AGRN: variants seen among roughly 807,000 people sequenced by gnomAD.
AGRN encodes agrin.
A neutral mutation model predicts 211.0 loss-of-function variants in AGRN; 106 were observed. The ratio of observed to expected loss-of-function variants is 0.50; its 90% confidence interval spans 0.43 to 0.59. AGRN has a LOEUF of 0.59. AGRN is among the 20% of genes least tolerant of loss of function. The pLI is 0.00. For missense variants in AGRN, 3,040 were observed against 2,982.6 expected (o/e 1.02, Z -0.45); for synonymous variants, 1,525 against 1,332.5 (o/e 1.14, Z -3.15).
rs1470474265 is a variant in AGRN at position 1,049,618 on chromosome 1, C to T, written c.4567C>T (p.Leu1523=). 4 of 1,591,526 alleles carry T rather than the reference C, an allele frequency of 2.5e-6. No homozygotes were observed. Among genetic ancestry groups the T allele is most frequent in the Non-Finnish European group, 3.4e-6 (4 of 1,170,092 alleles). ...GAGLRGCIRL[L]DVNNQRLELG... is the part of the protein sequence containing the mutation. Reference sequence around the variant, plus strand: ...CGGCCTGAGGGGGTGCATCCGTTTGCTGGACGTCAACAACCAGCGCCTGGA... The same window carrying T: ...CGGCCTGAGGGGGTGCATCCGTTTGTTGGACGTCAACAACCAGCGCCTGGA... The change falls in exon 26 of 36, where the codon CTG becomes TTG. Residue 1523 remains leucine (L), a synonymous_variant. Transcript: ENST00000379370.
Position 1,041,264 on chromosome 1 carries a change from C to G in AGRN, c.819C>G (p.Pro273=). 1.3e-6 allele frequency: 2 copies of G among 1,504,694 alleles called. No homozygotes were observed. The highest frequency in any genetic ancestry group is 1.8e-6 in the Non-Finnish European group (2 of 1,132,532). 93.2% of individuals were successfully genotyped at this position (1,504,694 alleles called of 1,614,324 possible). Residue 273 remains proline, a synonymous_variant, in exon 5 of 36, where the codon CCC becomes CCG. Transcript: ENST00000379370. ...ADGLTASCLC[P]ATCRGAPEGT... ...GGCTGACGGCCTCGTGCCTGTGCCC[C>G]GCGACCTGCCGTGGCGCCCCCGAGG...
chr1:1,042,416 C>T (rs1457315030), intron 7 of AGRN, among the ~76,000 whole-genome samples: 1 of 152,134 alleles, frequency 6.6e-6, no homozygotes, highest in East Asian at 1.9e-4. Context: ...CCCTGGGAGT[C>T]CTCTGGCCTG....
At position 1,049,738 on chromosome 1, in the gene AGRN, C is replaced by A. The variant is rs1645219590; in HGVS notation, c.4687C>A (p.Pro1563Thr). Residue 1563 changes from proline (P) to threonine (T), a missense_variant, in exon 26 of 36, where the codon CCA becomes ACA. By Grantham distance (38) the Pro-to-Thr change is conservative. Coordinates refer to ENST00000379370, the MANE Select transcript of AGRN (RefSeq NM_198576.4). ...CLPNPCHGGA[P>T]CQNLEAGRFH... is the part of the protein sequence containing the mutation. Reference sequence around the variant, plus strand: ...GCCCAACCCCTGCCATGGCGGGGCCCCATGCCAGAACCTGGAGGCTGGAAG... The same window carrying A: ...GCCCAACCCCTGCCATGGCGGGGCCACATGCCAGAACCTGGAGGCTGGAAG... 3 of 1,580,844 alleles carry A rather than the reference C, an allele frequency of 1.9e-6. No individual in the cohort carries two copies. The highest frequency in any genetic ancestry group is 4.6e-5 in the East Asian group (2 of 43,120).
intron 3 of AGRN, among the ~76,000 whole-genome samples, chr1:1,039,130 A>G (rs1343567620): frequency 1.3e-5 from 2 of 152,174 alleles, no homozygotes; most frequent in South Asian, 2.1e-4. Flanking sequence ...ACCTGCCCAC[A>G]TTCTCACAGT....
chr1:1,035,579 G>C (rs1644785182), intron 3 of AGRN, among the ~76,000 whole-genome samples: 1 of 152,256 alleles, frequency 6.6e-6, no homozygotes, highest in Non-Finnish European at 1.5e-5. Flanking sequence ...CCTCAAAACT[G>C]GGAACAAGTC....
intron 2 of AGRN, among the ~76,000 whole-genome samples, chr1:1,030,113 G>A (rs1191959723): frequency 8.7e-6 from 1 of 115,422 alleles, no homozygotes; most frequent in African/African-American, 3.5e-5. Context: ...GTGTGTGTGT[G>A]TGTGCAGTGC....
At chr1:1,040,084 C>G (rs1570187573) in intron 3 of AGRN, among the ~76,000 whole-genome samples, 1 of 152,194 alleles carries the variant, frequency 6.6e-6, no homozygotes. Flanking sequence ...CACACCCCGT[C>G]CCGGTGGGGC....
rs1405878190 is a variant in AGRN at position 1,049,596 on chromosome 1, C to A, written c.4545C>A (p.Gly1515=). The A allele has an allele frequency of 1.3e-6, 2 of 1,590,926 alleles. No individual in the cohort carries two copies. The highest frequency in any genetic ancestry group is 1.7e-6 in the Non-Finnish European group (2 of 1,169,922). Residue 1515 remains glycine (G), a synonymous_variant, in exon 26 of 36, where the codon GGC becomes GGA. Transcript: ENST00000379370. Reference sequence around the variant, plus strand: ...TGGAGCGGACCTTCGTGGGCGCCGGCCTGAGGGGGTGCATCCGTTTGCTGG... The same window carrying A: ...TGGAGCGGACCTTCGTGGGCGCCGGACTGAGGGGGTGCATCCGTTTGCTGG... The part of the protein sequence containing the change: ...VALERTFVGA[G]LRGCIRLLDV...
At chr1:1,052,417 G>C (rs1473423182) in intron 33 of AGRN, 2 of 310,610 alleles carry the variant, frequency 6.4e-6, no homozygotes, top group African/African-American at 4.4e-5. Flanking sequence ...GTATATGTGG[G>C]GGGGACATGT....
At position 1,044,134 on chromosome 1, in the gene AGRN, C is replaced by T; in HGVS notation, c.2025C>T (p.Gly675=). 1 of 1,613,270 alleles carries T rather than the reference C, an allele frequency of 6.2e-7. No individual in the cohort carries two copies. Among genetic ancestry groups the T allele is most frequent in the South Asian group, 1.1e-5 (1 of 91,084 alleles). The change falls in exon 11 of 36, where the codon GGC becomes GGT. Residue 675 remains glycine, a synonymous_variant. Transcript: ENST00000379370. ...CCGAGTGCGGTTCCGGAGGCTCTGG[C>T]TCTGGGGAGGACGGTGACTGTGAGC... is the stretch of plus-strand genomic sequence containing the variant. ...EQAECGSGGS[G]SGEDGDCEQE...
At chr1:1,044,294 G>A (rs958060048) in intron 11 of AGRN, 37 bp downstream of exon 11, 2 of 1,612,198 alleles carry the variant, frequency 1.2e-6, no homozygotes, top group African/African-American at 2.7e-5. Context: ...CGGGCGGCGG[G>A]GACGGGGCTG....
rs1372675221 is a variant in AGRN, at chr1:1,048,269, C to G, written c.4009C>G (p.Pro1337Ala). The G allele has an allele frequency of 2.6e-6, 4 of 1,531,494 alleles. No homozygotes were observed. Among genetic ancestry groups the G allele is most frequent in the Non-Finnish European group, 2.6e-6 (3 of 1,135,366 alleles). 94.9% of individuals were successfully genotyped at this position (1,531,494 alleles called of 1,614,324 possible). A position where few individuals can be genotyped will look rare whatever the true frequency, so the allele number is the denominator to read the frequency against. The change falls in exon 23 of 36, where the codon CCC (proline) becomes GCC (alanine). Residue 1337 changes from proline (P) to alanine (A), a missense_variant. This residue lies in a region of AGRN where 1,537 missense variants were observed against 1,505.0 expected (regional missense o/e 1.02). Coordinates refer to ENST00000379370, the MANE Select transcript of AGRN (RefSeq NM_198576.4). This position sits in a 1 kb window ranked among gnomAD's most constrained non-coding sequence, Gnocchi z 5.9. ...QQPPKPCDSQ[P>A]CFHGGTCQDW... ...GCCTCCAAAGCCCTGTGACTCACAG[C>G]CCTGCTTCCACGGGGGGACCTGCCA...
rs769507883 is a variant in AGRN at position 1,041,994 on chromosome 1, C to T, written c.1216C>T (p.Leu406=). Residue 406 remains leucine (L), a synonymous_variant, in exon 7 of 36, where the codon CTG becomes TTG. Transcript: ENST00000379370. ...PEPCRFNAVC[L]SRRGRPRCSC... is the part of the protein sequence containing the mutation. The stretch of plus-strand genomic sequence containing the variant: ...GCCCTGCCGGTTCAATGCCGTGTGC[C>T]TGTCCCGCCGTGGCCGTCCCCGCTG... 36 of 1,611,554 alleles carry T rather than the reference C, an allele frequency of 2.2e-5. No individual in the cohort carries two copies. The highest frequency in any genetic ancestry group is 3.1e-5 in the Non-Finnish European group (36 of 1,179,668).
rs1340134708 is a variant in AGRN at position 1,045,838 on chromosome 1, C to A, written c.2642C>A (p.Pro881Gln). 1 of 1,612,078 alleles carries A rather than the reference C, an allele frequency of 6.2e-7. No homozygotes were observed. Among genetic ancestry groups the A allele is most frequent in the Non-Finnish European group, 8.5e-7 (1 of 1,179,898 alleles). Residue 881 changes from proline (P) to glutamine (Q), a missense_variant, in exon 15 of 36, where the codon CCA (proline) becomes CAA (glutamine). By Grantham distance (76) the Pro-to-Gln change is moderately conservative. Coordinates refer to ENST00000379370, the MANE Select transcript of AGRN (RefSeq NM_198576.4). Reference protein sequence around the residue: ...GVAGPKCGQCPDGRALGPAGC... With the variant: ...GVAGPKCGQCQDGRALGPAGC... ...GCTGGACCCAAGTGTGGGCAGTGTC[C>A]AGACGGCCGTGCCCTGGGCCCCGCG...
rs368015466 is a variant in AGRN, at chr1:1,047,394, C to G, written c.3456C>G (p.Pro1152=). ...AGGGCCAGGAGCTGTTCTACACGCCCGAGATGGCTGACCCCAAGTCAGAAC... is the reference window on the plus strand; with the variant it reads ...AGGGCCAGGAGCTGTTCTACACGCCGGAGATGGCTGACCCCAAGTCAGAAC... The part of the protein sequence containing the change: ...GVEGQELFYT[P]EMADPKSELF... Residue 1152 remains proline (P), a synonymous_variant, in exon 20 of 36, where the codon CCC becomes CCG. Transcript: ENST00000379370. The G allele has an allele frequency of 1.2e-6, 2 of 1,612,482 alleles. No individual in the cohort carries two copies. Among genetic ancestry groups the G allele is most frequent in the Admixed American group, 1.7e-5 (1 of 59,966 alleles).
At chr1:1,050,375 C>T (rs1433678246) in intron 28 of AGRN, 46 bp downstream of exon 28, 1 of 1,612,740 alleles carries the variant, frequency 6.2e-7, no homozygotes, top group Non-Finnish European at 8.5e-7. Flanking sequence ...CCACCTCCGT[C>T]TCTCCTGTGG....
intron 3 of AGRN, among the ~76,000 whole-genome samples, chr1:1,036,545 C>T (rs1172153281): frequency 1.3e-5 from 2 of 152,106 alleles, no homozygotes; most frequent in Non-Finnish European, 2.9e-5. Flanking sequence ...CACTTGGCTA[C>T]TCAACTCCTG....
chr1:1,034,508 G>A (rs919157239), intron 2 of AGRN: 3 of 985,670 alleles, frequency 3.0e-6, no homozygotes, highest in Non-Finnish European at 3.6e-6. Context: ...CACCCCGTGA[G>A]GAGCCCCCAC....
At chr1:1,022,892 T>C (rs1644440757) in intron 2 of AGRN, among the ~76,000 whole-genome samples, 1 of 152,230 alleles carries the variant, frequency 6.6e-6, no homozygotes, top group African/African-American at 2.4e-5. Flanking sequence ...GGCGAGGCTG[T>C]GCGGCGAGGG....
Sources: gnomAD v4.1 joint callset for allele counts (sites outside exome capture counted in the v4.1 genomes callset) on GRCh38, gnomAD v4.1.1 for gene constraint, gnomAD v4.1.1 regional missense constraint, Gnocchi (gnomAD v3.1) non-coding constraint, MANE v1.5 for transcripts, NCBI Gene and HGNC (gene_info 2026-07-23, HGNC 2026-07-21) for gene names.